Variants in SMOC1 observed in about 807,000 individuals in gnomAD.
SMOC1 encodes SPARC-related modular calcium-binding protein 1.
In SMOC1, 22 loss-of-function variants were observed where a neutral mutation model predicts 56.3. The ratio of observed to expected loss-of-function variants is 0.39; its 90% CI spans 0.28 to 0.56. The LOEUF (loss-of-function observed/expected upper bound fraction) is 0.56. SMOC1 is among the 20% of genes least tolerant of loss of function. The probability of loss-of-function intolerance (pLI) is 0.61; values close to 1 mark genes in which losing one functional copy is unlikely to be tolerated. For missense variants in SMOC1, 509 were observed against 565.4 expected (o/e 0.90, Z 1.01); for synonymous variants, 193 against 215.0 (o/e 0.90, Z 0.89).
At chr14:69,896,836 C>T (rs1317077234) in intron 1 of SMOC1, among the ~76,000 whole-genome samples, 1 of 152,186 alleles carries the variant, frequency 6.6e-6, no homozygotes, top group Non-Finnish European at 1.5e-5. Context: ...CTTGAAGTCT[C>T]TTTTCGTTTT....
intron 5 of SMOC1, among the ~76,000 whole-genome samples, chr14:69,988,289 CT>C (rs11367943): frequency 0.23 from 33,587 of 146,444 alleles, 4,099 homozygotes; most frequent in African/African-American, 0.27. Flanking sequence ...TTTGAATTGG[CT>C]TTTTTTTTTT....
At chr14:70,011,428 T>C in intron 8 of SMOC1, 57 bp from the exon 9 acceptor site, 1 of 1,509,274 alleles carries the variant, frequency 6.6e-7, no homozygotes, top group Non-Finnish European at 9.2e-7. Context: ...CAGTAGTGAC[T>C]GAAGTAGGCT....
intron 3 of SMOC1, among the ~76,000 whole-genome samples, chr14:69,967,993 A>G (rs747595548): frequency 1.2e-4 from 19 of 152,252 alleles, no homozygotes; most frequent in Non-Finnish European, 2.5e-4. Context: ...ACTGCAGTCA[A>G]ACTCTTGTCC....
At chr14:69,905,114 CAT>C (rs987767051) in intron 1 of SMOC1, among the ~76,000 whole-genome samples, 33 of 152,130 alleles carry the variant, frequency 2.2e-4, no homozygotes, top group African/African-American at 7.7e-4. Flanking sequence ...ATGATAACAT[CAT>C]GTGAAAATGT....
At chr14:69,945,216 A>G (rs1882737271) in intron 1 of SMOC1, among the ~76,000 whole-genome samples, 1 of 152,252 alleles carries the variant, frequency 6.6e-6, no homozygotes, top group South Asian at 2.1e-4. Context: ...AATCTTTTAT[A>G]GACGTGTAAA....
chr14:69,921,649 AC>A (rs1345495252), intron 1 of SMOC1, among the ~76,000 whole-genome samples: 1 of 152,078 alleles, frequency 6.6e-6, no homozygotes, highest in Admixed American at 6.5e-5. Context: ...GCTGACATAA[AC>A]CTTAGGAGAA....
chr14:69,896,605 A>G (rs1337409961), intron 1 of SMOC1, among the ~76,000 whole-genome samples: 1 of 152,234 alleles, frequency 6.6e-6, no homozygotes, highest in Non-Finnish European at 1.5e-5. Context: ...CCATCAATAC[A>G]TTGAAAATTT....
At chr14:69,984,886 C>CA (rs2139523565) in intron 5 of SMOC1, among the ~76,000 whole-genome samples, 1 of 147,852 alleles carries the variant, frequency 6.8e-6, no homozygotes. Flanking sequence ...CAAACAAAAA[C>CA]AAAAAATTAG....
At chr14:70,007,816 G>A (rs906644101) in intron 7 of SMOC1, among the ~76,000 whole-genome samples, 1 of 152,152 alleles carries the variant, frequency 6.6e-6, no homozygotes, top group African/African-American at 2.4e-5. Context: ...CTATTGCCTG[G>A]CACATATCAC....
rs182300403 is a variant in SMOC1 at position 69,959,102 on chromosome 14, A to G, written c.378+5570A>G. On this transcript the variant is annotated intron_variant, in intron 3 of 11. Transcript: ENST00000361956. ...TAGATTTTTTTCCTTGTGTGTACTTATTGTCATTATTTAGGACAAGAATGG... is the reference window on the plus strand; with the variant it reads ...TAGATTTTTTTCCTTGTGTGTACTTGTTGTCATTATTTAGGACAAGAATGG... Among the ~76,000 whole-genome samples, 304 of 152,222 alleles carry G rather than the reference A, an allele frequency of 2.0e-3. 2 individuals are homozygous for G. Among genetic ancestry groups the G allele is most frequent in the Non-Finnish European group, 3.6e-3 (247 of 68,002 alleles).
rs528885359 is a variant in SMOC1, at chr14:70,032,349, A to G, written c.*2091A>G. 1.3e-5 allele frequency: 2 copies of G among 152,366 alleles called. No homozygotes were observed. The highest frequency in any genetic ancestry group is 4.1e-4 in the South Asian group (2 of 4,824). The allele number at this position is 152,366 out of a possible 1,614,324, so 9.4% of individuals were successfully genotyped here. On this transcript the variant is annotated 3_prime_UTR_variant, in exon 12 of 12. Transcript: ENST00000361956. ...TTTGTAGCTTGTTTTATAAAAAATAAAAAATGGGTAAATCTTGGCGGCTGT... is the reference window on the plus strand; with the variant it reads ...TTTGTAGCTTGTTTTATAAAAAATAGAAAATGGGTAAATCTTGGCGGCTGT...
intron 1 of SMOC1, among the ~76,000 whole-genome samples, chr14:69,926,989 C>T (rs943427526): frequency 2.6e-5 from 4 of 152,188 alleles, no homozygotes; most frequent in East Asian, 1.9e-4. Flanking sequence ...GTACTCAACC[C>T]GTGCCAGGCC....
intron 7 of SMOC1, among the ~76,000 whole-genome samples, chr14:69,998,960 G>A (rs1046896882): frequency 2.0e-5 from 3 of 152,090 alleles, no homozygotes; most frequent in Non-Finnish European, 2.9e-5. Context: ...TTCCTCCCTT[G>A]CCTCTTAGAC....
At chr14:70,029,877 C>G (rs550465623) in intron 11 of SMOC1, among the ~76,000 whole-genome samples, 2 of 152,162 alleles carry the variant, frequency 1.3e-5, no homozygotes, top group Non-Finnish European at 2.9e-5. Context: ...AAACCCCTGT[C>G]GTTTCCACCC....
At chr14:69,944,841 T>C (rs1182901602) in intron 1 of SMOC1, among the ~76,000 whole-genome samples, 6 of 152,208 alleles carry the variant, frequency 3.9e-5, no homozygotes, top group African/African-American at 1.2e-4. Flanking sequence ...TTTAGTGATA[T>C]ATGGGTACTA....
chr14:69,957,325 C>T (rs778721871), intron 3 of SMOC1, among the ~76,000 whole-genome samples: 5 of 152,288 alleles, frequency 3.3e-5, no homozygotes, highest in South Asian at 4.2e-4. Context: ...GTTTTACACC[C>T]ATTAATCTTT....
chr14:69,984,774 T>G (rs2139523277), intron 5 of SMOC1, among the ~76,000 whole-genome samples: 1 of 151,638 alleles, frequency 6.6e-6, no homozygotes, highest in African/African-American at 2.4e-5. Flanking sequence ...GGAGAATCAC[T>G]TGAACCCAGG....
At chr14:69,906,952 TAGAG>T (rs533463957) in intron 1 of SMOC1, among the ~76,000 whole-genome samples, 137 of 152,226 alleles carry the variant, frequency 9.0e-4, no homozygotes, top group African/African-American at 2.7e-3. Flanking sequence ...TAAAAGATGT[TAGAG>T]AGAGATTTGA....
At chr14:69,948,765 T>C (rs1882886979) in intron 1 of SMOC1, among the ~76,000 whole-genome samples, 1 of 152,206 alleles carries the variant, frequency 6.6e-6, no homozygotes, top group South Asian at 2.1e-4. Flanking sequence ...ACTTAGGATA[T>C]GTTAATAATT....
Sources: gnomAD v4.1 joint callset for allele counts (sites outside exome capture counted in the v4.1 genomes callset) on GRCh38, gnomAD v4.1.1 for gene constraint, MANE v1.5 for transcripts, NCBI Gene and HGNC (gene_info 2026-07-23, HGNC 2026-07-21) for gene names.